SRPK2: variants seen among roughly 807,000 people sequenced by gnomAD.
SRPK2 encodes SFRS protein kinase 2.
In SRPK2, 21 loss-of-function variants were observed where a neutral mutation model predicts 90.8. The observed-to-expected ratio is 0.23, with a 90% CI of 0.16 to 0.33. The LOEUF (loss-of-function observed/expected upper bound fraction) is 0.33. SRPK2 is among the 10% of genes least tolerant of loss of function. SRPK2 has a pLI of 1.00. For synonymous variants in SRPK2, 288 were observed against 311.1 expected, an observed-to-expected ratio of 0.93 and a Z score of 0.78; for missense variants, 620 against 869.0, an observed-to-expected ratio of 0.71 and a Z score of 3.60.
chr7:105,253,039 G>A (rs989228174), intron 2 of SRPK2, among the ~76,000 whole-genome samples: 4 of 152,074 alleles, frequency 2.6e-5, no homozygotes, highest in South Asian at 4.1e-4. Context: ...CACCGCGCCC[G>A]ACCCAAGTTA....
chr7:105,291,610 G>C (rs549913265), intron 2 of SRPK2, among the ~76,000 whole-genome samples: 1 of 152,224 alleles, frequency 6.6e-6, no homozygotes, highest in East Asian at 1.9e-4. Flanking sequence ...CACGCCTATA[G>C]TCCCAGCTAC....
At chr7:105,378,756 C>T (rs1293307850) in intron 2 of SRPK2, among the ~76,000 whole-genome samples, 3 of 137,810 alleles carry the variant, frequency 2.2e-5, no homozygotes, top group Non-Finnish European at 3.2e-5. Context: ...AGAAAGACTC[C>T]GTCTCAAAAA....
intron 2 of SRPK2, among the ~76,000 whole-genome samples, chr7:105,383,646 T>G (rs919460742): frequency 2.1e-5 from 3 of 141,262 alleles, no homozygotes; most frequent in Admixed American, 1.4e-4. Context: ...TCTCGAACTA[T>G]TGACCTCGTG....
intron 2 of SRPK2, among the ~76,000 whole-genome samples, chr7:105,254,545 T>C (rs549634962): frequency 6.6e-6 from 1 of 152,346 alleles, no homozygotes; most frequent in Admixed American, 6.5e-5. Flanking sequence ...CAGATGATTA[T>C]TTAATAACAT....
chr7:105,318,623 C>T (rs1812571645), intron 2 of SRPK2, among the ~76,000 whole-genome samples: 1 of 152,186 alleles, frequency 6.6e-6, no homozygotes, highest in African/African-American at 2.4e-5. Context: ...TCACTCAGTA[C>T]TCATTTTATG....
intron 2 of SRPK2, among the ~76,000 whole-genome samples, chr7:105,368,219 A>C (rs1372765254): frequency 1.3e-5 from 2 of 152,204 alleles, no homozygotes; most frequent in Non-Finnish European, 2.9e-5. Context: ...AAAGTAAAAA[A>C]CATGGCCTTA....
intron 2 of SRPK2, among the ~76,000 whole-genome samples, chr7:105,287,013 G>C (rs1051162119): frequency 1.3e-5 from 2 of 151,444 alleles, no homozygotes; most frequent in South Asian, 2.1e-4. Flanking sequence ...TGTAATCCCA[G>C]CACTTTGGGA....
intron 2 of SRPK2, among the ~76,000 whole-genome samples, chr7:105,333,173 G>A (rs182993149): frequency 3.9e-5 from 6 of 152,250 alleles, no homozygotes; most frequent in Middle Eastern, 3.4e-3. Context: ...CAGCCTGAGC[G>A]ACAGAGTGAG....
intron 6 of SRPK2, among the ~76,000 whole-genome samples, chr7:105,165,477 T>A (rs76391465): frequency 6.6e-6 from 1 of 152,154 alleles, no homozygotes; most frequent in Non-Finnish European, 1.5e-5. Flanking sequence ...GTGCTCTGTG[T>A]CTATCTAAAG....
downstream of SRPK2, among the ~76,000 whole-genome samples, chr7:105,114,940 T>C (rs145189851): frequency 6.8e-4 from 104 of 152,300 alleles, no homozygotes; most frequent in African/African-American, 2.4e-3. Flanking sequence ...TGAGAAGAAA[T>C]GGTTTTACAT....
chr7:105,168,837 T>A (rs963395534), intron 4 of SRPK2, among the ~76,000 whole-genome samples: 5 of 149,198 alleles, frequency 3.4e-5, no homozygotes, highest in African/African-American at 9.8e-5. Flanking sequence ...AAGTTAAAAA[T>A]GACTGATTTG....
At chr7:105,195,801 G>GA (rs1159671180) in intron 3 of SRPK2, among the ~76,000 whole-genome samples, 5 of 151,820 alleles carry the variant, frequency 3.3e-5, no homozygotes, top group East Asian at 1.9e-4. Context: ...ACACTTAGAT[G>GA]AAAAAAAAGA....
At chr7:105,252,610 TC>T (rs1383392611) in intron 2 of SRPK2, among the ~76,000 whole-genome samples, 1 of 152,190 alleles carries the variant, frequency 6.6e-6, no homozygotes, top group Non-Finnish European at 1.5e-5. Flanking sequence ...GCCCAGAAAT[TC>T]CACTTAGGCA....
chr7:105,275,311 T>C (rs1353017417), intron 2 of SRPK2, among the ~76,000 whole-genome samples: 3 of 152,178 alleles, frequency 2.0e-5, no homozygotes, highest in African/African-American at 7.2e-5. Context: ...TTATCTCCAA[T>C]CAATTCAAAT....
chr7:105,377,457 C>T (rs952248442), intron 2 of SRPK2, among the ~76,000 whole-genome samples: 1 of 151,800 alleles, frequency 6.6e-6, no homozygotes, highest in Non-Finnish European at 1.5e-5. Context: ...CTTTGGGGGG[C>T]GGAGGAGGGT....
chr7:105,123,614 G>A (rs1228777109), intron 15 of SRPK2, among the ~76,000 whole-genome samples: 1 of 151,944 alleles, frequency 6.6e-6, no homozygotes, highest in Non-Finnish European at 1.5e-5. Flanking sequence ...ATTACTTATG[G>A]GAACATGCCA....
chr7:105,169,053 C>T (rs1030972825), intron 4 of SRPK2, 104 bp downstream of exon 4: 16 of 968,828 alleles, frequency 1.7e-5, no homozygotes, highest in African/African-American at 4.9e-5. Context: ...CTAAGCACTT[C>T]ACATACCTCA....
chr7:105,131,550 C>T (rs1205966869), intron 13 of SRPK2, among the ~76,000 whole-genome samples: 1 of 152,168 alleles, frequency 6.6e-6, no homozygotes, highest in Non-Finnish European at 1.5e-5. Context: ...CCTGGTGTTT[C>T]AGGACCTATC....
chr7:105,213,318 G>C (rs559377237), intron 2 of SRPK2, among the ~76,000 whole-genome samples: 1 of 152,192 alleles, frequency 6.6e-6, no homozygotes, highest in Admixed American at 6.6e-5. Context: ...GGTAGGGATT[G>C]CTTGATATAT....
Sources: allele counts gnomAD v4.1 joint callset (sites outside exome capture counted in the v4.1 genomes callset), GRCh38; gene constraint gnomAD v4.1.1; transcripts MANE v1.5; gene names NCBI Gene and HGNC (gene_info 2026-07-23, HGNC 2026-07-21).